The following CFAP299 variants were observed in gnomAD, a reference collection of about 807,000 sequenced individuals.
CFAP299 encodes the protein cilia and flagella associated protein 299.
CFAP299 carries 21 observed loss-of-function variants against 27.0 expected under a neutral mutation model. The ratio of observed to expected loss-of-function variants is 0.78; its 90% CI spans 0.55 to 1.12. The LOEUF is 1.12. CFAP299 is among the 50% of genes most tolerant of loss of function. The pLI is 0.00. For missense variants in CFAP299, 310 were observed against 276.6 expected, an observed-to-expected ratio of 1.12 and a Z score of -0.86; for synonymous variants, 104 against 98.1, an observed-to-expected ratio of 1.06 and a Z score of -0.36.
At chr4:80,456,006 G>A (rs1729135212) in intron 2 of CFAP299, among the ~76,000 whole-genome samples, 1 of 152,104 alleles carries the variant, frequency 6.6e-6, no homozygotes, top group Admixed American at 6.6e-5. Flanking sequence ...GAAAAATAAA[G>A]CAGGAAAAGG....
intron 2 of CFAP299, among the ~76,000 whole-genome samples, chr4:80,538,452 C>G (rs1733848730): frequency 6.6e-6 from 1 of 151,560 alleles, no homozygotes; most frequent in South Asian, 2.1e-4. Context: ...AAGAATATTT[C>G]TAGGCCTTCA....
chr4:80,443,125 C>A (rs1560569711), intron 2 of CFAP299, among the ~76,000 whole-genome samples: 1 of 152,132 alleles, frequency 6.6e-6, no homozygotes, highest in African/African-American at 2.4e-5. Context: ...GAGCTGGTAC[C>A]ATTCCTTCTG....
At chr4:80,501,286 C>A (rs528320316) in intron 2 of CFAP299, among the ~76,000 whole-genome samples, 1 of 151,678 alleles carries the variant, frequency 6.6e-6, no homozygotes, top group East Asian at 1.9e-4. Flanking sequence ...AATTGGTATA[C>A]TATGCTTAAT....
intron 4 of CFAP299, among the ~76,000 whole-genome samples, chr4:80,876,593 C>T (rs1733391389): frequency 6.6e-6 from 1 of 152,100 alleles, no homozygotes; most frequent in African/African-American, 2.4e-5. Context: ...AGACCTTTTT[C>T]ACATTTTAAC....
chr4:80,568,783 G>C (rs1178556710), intron 2 of CFAP299, among the ~76,000 whole-genome samples: 2 of 152,062 alleles, frequency 1.3e-5, no homozygotes, highest in East Asian at 3.9e-4. Context: ...TTAGAGAAGA[G>C]GGGGAAGAAG....
intron 4 of CFAP299, among the ~76,000 whole-genome samples, chr4:80,929,608 A>G (rs894691118): frequency 6.6e-6 from 1 of 152,144 alleles, no homozygotes; most frequent in African/African-American, 2.4e-5. Flanking sequence ...TCCATAATGT[A>G]CAATCATTTT....
chr4:80,569,474 T>G lies in CFAP299; in HGVS notation c.243-13619T>G, dbSNP rs112448966. On this transcript the variant is annotated intron_variant, in intron 2 of 5. Coordinates refer to ENST00000358105, the MANE Select transcript of CFAP299 (RefSeq NM_152770.3). ...CATAAGACAAAAGAAGAAAAAGTTT[T>G]GAGAAATTTTAACTTAGTGTGAGGT... 3.9e-5 allele frequency among the ~76,000 whole-genome samples: 6 copies of G among 152,214 alleles called. 1 individual carries two copies. The highest frequency in any genetic ancestry group is 1.4e-4 in the African/African-American group (6 of 41,564).
chr4:80,773,094 C>A (rs1038287363), intron 3 of CFAP299, among the ~76,000 whole-genome samples: 2 of 152,086 alleles, frequency 1.3e-5, no homozygotes, highest in African/African-American at 2.4e-5. Context: ...TCATTCTCAG[C>A]AAACTAACAC....
chr4:80,671,346 T>G (rs1741471090), intron 3 of CFAP299, among the ~76,000 whole-genome samples: 1 of 152,228 alleles, frequency 6.6e-6, no homozygotes, highest in Admixed American at 6.5e-5. Flanking sequence ...TCCATTGGTC[T>G]ACATATCTGT....
At chr4:80,365,219 A>G (rs1368592311) in intron 2 of CFAP299, among the ~76,000 whole-genome samples, 1 of 152,158 alleles carries the variant, frequency 6.6e-6, no homozygotes, top group Non-Finnish European at 1.5e-5. Context: ...CAACAGTGTA[A>G]AAGTGTTCCT....
At chr4:80,504,590 A>G in intron 2 of CFAP299, among the ~76,000 whole-genome samples, 1 of 144,236 alleles carries the variant, frequency 6.9e-6, no homozygotes, top group Non-Finnish European at 1.5e-5. Context: ...AAATGTGTGC[A>G]GTACTGGAGA....
chr4:80,764,071 C>T (rs1725703199), intron 3 of CFAP299, among the ~76,000 whole-genome samples: 1 of 152,030 alleles, frequency 6.6e-6, no homozygotes, highest in African/African-American at 2.4e-5. Flanking sequence ...AAAACACCAA[C>T]AGTAGTTGCA....
rs1460714989 is a variant in CFAP299 at position 80,786,937 on chromosome 4, A to G, written c.334-83056A>G. On this transcript the variant is annotated intron_variant, in intron 3 of 5. Coordinates refer to ENST00000358105, the MANE Select transcript of CFAP299 (RefSeq NM_152770.3). ...TGTAATCATTCCCTGTTCAAAATAC[A>G]TATACCATTTGTGCAAACAAATATA... Among the ~76,000 whole-genome samples, 5 of 152,190 alleles carry G rather than the reference A, an allele frequency of 3.3e-5. No homozygotes were observed. In the East Asian group the frequency reaches 9.7e-4, roughly 29 times the overall value.
At chr4:80,903,639 A>G (rs1735042279) in intron 4 of CFAP299, among the ~76,000 whole-genome samples, 2 of 152,088 alleles carry the variant, frequency 1.3e-5, no homozygotes, top group African/African-American at 4.8e-5. Context: ...TATCAATATA[A>G]GGACAAATAC....
intron 1 of CFAP299, among the ~76,000 whole-genome samples, chr4:80,359,365 C>G (rs998533770): frequency 2.0e-5 from 3 of 151,904 alleles, no homozygotes; most frequent in Non-Finnish European, 4.4e-5. Flanking sequence ...AAAATTGTCC[C>G]CTCTATCTAG....
chr4:80,414,506 G>A (rs1197317425), intron 2 of CFAP299, among the ~76,000 whole-genome samples: 2 of 152,208 alleles, frequency 1.3e-5, no homozygotes, highest in Non-Finnish European at 2.9e-5. Context: ...TAGTTTTAAA[G>A]TAGTTTTTCA....
intron 3 of CFAP299, among the ~76,000 whole-genome samples, chr4:80,826,447 AAAAAAGG>A (rs1464476708): frequency 1.3e-5 from 2 of 151,790 alleles, no homozygotes; most frequent in Non-Finnish European, 3.0e-5. Flanking sequence ...TAAAACAATC[AAAAAAGG>A]TTATGAGGAA....
intron 3 of CFAP299, among the ~76,000 whole-genome samples, chr4:80,655,314 G>A (rs1284422535): frequency 6.6e-6 from 1 of 152,048 alleles, no homozygotes; most frequent in Non-Finnish European, 1.5e-5. Flanking sequence ...TGAAGTAAAA[G>A]TAACACTGAA....
intron 3 of CFAP299, among the ~76,000 whole-genome samples, chr4:80,721,925 A>T (rs1722841085): frequency 1.3e-5 from 2 of 152,184 alleles, no homozygotes; most frequent in South Asian, 4.1e-4. Context: ...ATACTTCAGC[A>T]TACCTGCACT....
Sources: gnomAD v4.1 joint callset for allele counts (sites outside exome capture counted in the v4.1 genomes callset) on GRCh38, gnomAD v4.1.1 for gene constraint, MANE v1.5 for transcripts, NCBI Gene and HGNC (gene_info 2026-07-23, HGNC 2026-07-21) for gene names.